AKAP6: variants seen among roughly 807,000 people sequenced by gnomAD.
The protein encoded by AKAP6 is A-kinase anchor protein 6.
In AKAP6, 58 loss-of-function variants were observed where a neutral mutation model predicts 188.5. That is an observed-to-expected ratio of 0.31 (90% confidence interval 0.25 to 0.38). AKAP6 has a LOEUF of 0.38. AKAP6 is among the 10% of genes least tolerant of loss of function. The pLI is 1.00. For synonymous variants in AKAP6, 989 were observed against 998.6 expected (o/e 0.99, Z 0.18); for missense variants, 2,710 against 2,740.0 (o/e 0.99, Z 0.24).
chr14:32,718,940 T>A (rs1594878751), intron 9 of AKAP6, among the ~76,000 whole-genome samples: 2 of 152,320 alleles, frequency 1.3e-5, no homozygotes, highest in South Asian at 4.1e-4. Context: ...ATGTGGTCTC[T>A]GACCTCCTAC....
At chr14:32,806,380 A>G (rs1366218294) in intron 12 of AKAP6, among the ~76,000 whole-genome samples, 1 of 152,212 alleles carries the variant, frequency 6.6e-6, no homozygotes, top group East Asian at 1.9e-4. Context: ...GTACTATGTA[A>G]TAAATATTCA....
chr14:32,645,120 T>C (rs1887930328), intron 7 of AKAP6, among the ~76,000 whole-genome samples: 1 of 152,204 alleles, frequency 6.6e-6, no homozygotes, highest in Non-Finnish European at 1.5e-5. Flanking sequence ...TTATTTTTTA[T>C]AGGGACCTGA....
At chr14:32,450,621 C>T (rs182613928) in intron 2 of AKAP6, among the ~76,000 whole-genome samples, 4 of 152,212 alleles carry the variant, frequency 2.6e-5, no homozygotes, top group East Asian at 1.9e-4. Flanking sequence ...ATACCTAAAG[C>T]TTTCTCAGGA....
At chr14:32,702,923 G>T (rs1412641488) in intron 9 of AKAP6, among the ~76,000 whole-genome samples, 1 of 152,100 alleles carries the variant, frequency 6.6e-6, no homozygotes, top group Non-Finnish European at 1.5e-5. Flanking sequence ...AACAGGGCTG[G>T]CTCAGGACTC....
chr14:32,690,076 TACACACACACACACAC>T (rs10658220), intron 8 of AKAP6, among the ~76,000 whole-genome samples: 25 of 135,952 alleles, frequency 1.8e-4, no homozygotes, highest in South Asian at 1.3e-3. Flanking sequence ...TGCCCCAAAA[TACACACACACACACAC>T]ACACACACAC....
At chr14:32,709,905 A>G (rs188286609) in intron 9 of AKAP6, among the ~76,000 whole-genome samples, 205 of 152,134 alleles carry the variant, frequency 1.3e-3, no homozygotes, top group African/African-American at 4.7e-3. Context: ...TTTTTAAGTC[A>G]TTTATTTCAG....
intron 11 of AKAP6, among the ~76,000 whole-genome samples, chr14:32,750,766 G>A (rs113958941): frequency 1.4e-5 from 2 of 139,120 alleles, no homozygotes; most frequent in African/African-American, 2.7e-5. Flanking sequence ...TTTTTCAGAT[G>A]GAGTCTCACT....
At chr14:32,802,854 T>A (rs2033985824) in intron 12 of AKAP6, among the ~76,000 whole-genome samples, 1 of 152,214 alleles carries the variant, frequency 6.6e-6, no homozygotes, top group South Asian at 2.1e-4. Context: ...TTCCAGCACT[T>A]TGGGACGCCA....
chr14:32,695,871 T>C, intron 8 of AKAP6, 119 bp from the exon 9 acceptor site: 1 of 1,264,190 alleles, frequency 7.9e-7, no homozygotes, highest in Non-Finnish European at 1.1e-6. Flanking sequence ...AAATTTTCTC[T>C]TCTCTTATTG....
intron 2 of AKAP6, among the ~76,000 whole-genome samples, chr14:32,533,384 C>T (rs1594717354): frequency 6.6e-6 from 1 of 152,104 alleles, no homozygotes; most frequent in East Asian, 1.9e-4. Flanking sequence ...GGCATTGAGG[C>T]CAGCCTTTCC....
rs1368538148 is a variant in AKAP6 at position 32,835,921 on chromosome 14, A to C, written c.*6116A>C. On this transcript the variant is annotated 3_prime_UTR_variant, in exon 14 of 14. Coordinates refer to ENST00000280979, the MANE Select transcript of AKAP6 (RefSeq NM_004274.5). ...TGCCACATATTTGCATTTCCAGAGT[A>C]AAATAATAGGATGACATGGGCAGGT... is the stretch of plus-strand genomic sequence containing the variant. 6.6e-6 allele frequency: 1 copy of C among 152,218 alleles called. No homozygotes were observed. Among genetic ancestry groups the C allele is most frequent in the Non-Finnish European group, 1.5e-5 (1 of 68,028 alleles). The allele number at this position is 152,218 out of a possible 1,614,324, so 9.4% of individuals were successfully genotyped here.
intron 2 of AKAP6, among the ~76,000 whole-genome samples, chr14:32,510,437 TGTATATATATATAC>T (rs1214590506): frequency 8.8e-4 from 31 of 35,142 alleles, no homozygotes; most frequent in African/African-American, 2.9e-3. Context: ...TATATATATG[TGTATATATATATAC>T]ATATATATGT....
chr14:32,550,007 A>G (rs1883382620), intron 4 of AKAP6, among the ~76,000 whole-genome samples: 1 of 152,234 alleles, frequency 6.6e-6, no homozygotes, highest in Admixed American at 6.5e-5. Context: ...GAAAAAGTGA[A>G]TGAGTCCAGA....
At chr14:32,401,579 T>C (rs1379722321) in intron 1 of AKAP6, among the ~76,000 whole-genome samples, 1 of 152,192 alleles carries the variant, frequency 6.6e-6, no homozygotes, top group Non-Finnish European at 1.5e-5. Context: ...ATCTCATTTC[T>C]ACATGTGGGA....
chr14:32,716,392 C>G (rs2030202051), intron 9 of AKAP6, among the ~76,000 whole-genome samples: 1 of 151,320 alleles, frequency 6.6e-6, no homozygotes, highest in African/African-American at 2.4e-5. Flanking sequence ...GTACTATATC[C>G]TATTAGGCTG....
At chr14:32,716,663 C>CTCT (rs1219726937) in intron 9 of AKAP6, among the ~76,000 whole-genome samples, 2 of 57,242 alleles carry the variant, frequency 3.5e-5, no homozygotes, top group Non-Finnish European at 7.2e-5. Context: ...ATATGGTATA[C>CTCT]ATTATCTATC....
intron 1 of AKAP6, among the ~76,000 whole-genome samples, chr14:32,413,774 T>A (rs375609768): frequency 5.9e-5 from 9 of 151,998 alleles, no homozygotes; most frequent in African/African-American, 2.2e-4. Flanking sequence ...CTTGTCACAG[T>A]TTGAAGTTTG....
chr14:32,745,013 T>C (rs1357799447), intron 11 of AKAP6, among the ~76,000 whole-genome samples: 1 of 152,162 alleles, frequency 6.6e-6, no homozygotes, highest in Non-Finnish European at 1.5e-5. Context: ...CTCTGTGTTA[T>C]CTTGAATTCT....
chr14:32,802,729 T>G (rs1157799312), intron 12 of AKAP6, among the ~76,000 whole-genome samples: 1 of 152,206 alleles, frequency 6.6e-6, no homozygotes, highest in South Asian at 2.1e-4. Flanking sequence ...ATTGGAAATA[T>G]GAATTTCTAA....
Sources: gnomAD v4.1 joint callset for allele counts (sites outside exome capture counted in the v4.1 genomes callset) on GRCh38, gnomAD v4.1.1 for gene constraint, MANE v1.5 for transcripts, NCBI Gene and HGNC (gene_info 2026-07-23, HGNC 2026-07-21) for gene names.